The following ELAPOR1 variants were observed in gnomAD, a reference collection of about 807,000 sequenced individuals.
ELAPOR1 encodes the protein endosome-lysosome associated apoptosis and autophagy regulator 1.
ELAPOR1 carries 77 observed loss-of-function variants against 119.7 expected under a neutral mutation model. The observed-to-expected ratio is 0.64, with a 90% CI of 0.54 to 0.78. ELAPOR1 has a LOEUF of 0.78. Among genes scored for constraint, ELAPOR1 ranks in the 30% least tolerant of loss-of-function variants. The pLI is 0.00. For synonymous variants in ELAPOR1, 481 were observed against 487.2 expected, an observed-to-expected ratio of 0.99 and a Z score of 0.17; for missense variants, 1,115 against 1,270.4, an observed-to-expected ratio of 0.88 and a Z score of 1.86.
At position 109,203,272 on chromosome 1, in the gene ELAPOR1, G is replaced by T. The variant is rs547871188; in HGVS notation, c.*260G>T. 5.5e-5 allele frequency: 26 copies of T among 471,042 alleles called. No homozygotes were observed. The Admixed American group carries it at 7.2e-4, about 13-fold the overall frequency. 29.2% of individuals were successfully genotyped at this position (471,042 alleles called of 1,614,324 possible). On this transcript the variant is annotated 3_prime_UTR_variant, in exon 22 of 22. Coordinates refer to ENST00000369939, the MANE Select transcript of ELAPOR1 (RefSeq NM_020775.5). ...TCTTGTTTCCCAAAATGGCCCATCC[G>T]CCAGAGCCATAGCTTCGTCTGCTCA...
intron 17 of ELAPOR1, among the ~76,000 whole-genome samples, chr1:109,198,333 G>T (rs557671100): frequency 1.3e-5 from 2 of 152,178 alleles, no homozygotes; most frequent in African/African-American, 2.4e-5. Flanking sequence ...GCCTAAGCAG[G>T]CTCCAGTGTA....
intron 16 of ELAPOR1, 42 bp from the exon 17 acceptor site, chr1:109,197,936 TA>T: frequency 6.6e-7 from 1 of 1,517,936 alleles, no homozygotes; most frequent in Non-Finnish European, 9.2e-7. Flanking sequence ...GGTTGCCAGC[TA>T]ATGCTACTAG....
At chr1:109,142,323 A>C (rs554391971) in intron 1 of ELAPOR1, among the ~76,000 whole-genome samples, 2 of 152,378 alleles carry the variant, frequency 1.3e-5, no homozygotes, top group South Asian at 4.1e-4. Context: ...CAAGTCAAAG[A>C]AAGCTATGAA....
chr1:109,119,332 G>A (rs1648242565), intron 1 of ELAPOR1, among the ~76,000 whole-genome samples: 2 of 151,014 alleles, frequency 1.3e-5, no homozygotes, highest in Admixed American at 6.6e-5. Flanking sequence ...TTACAGGTGT[G>A]CACCACCATG....
chr1:109,120,075 A>G (rs111945677), intron 1 of ELAPOR1, among the ~76,000 whole-genome samples: 3,242 of 152,204 alleles, frequency 0.021, 42 homozygotes, highest in Non-Finnish European at 0.033. Context: ...GGAGGTGATT[A>G]TATCCTATGG....
chr1:109,197,593 G>A lies in ELAPOR1; in HGVS notation c.2241G>A (p.Glu747=). The part of the protein sequence containing the change: ...YVCQAVIIPP[E]VTGYKAGVSS... The stretch of plus-strand genomic sequence containing the variant: ...GCCAGGCAGTCATCATCCCCCCAGA[G>A]GTGACAGGCTACAAGGCCGGGGTTT... The change falls in exon 16 of 22, where the codon GAG becomes GAA. Residue 747 remains glutamate (E), a synonymous_variant. Transcript: ENST00000369939. 6.2e-7 allele frequency: 1 copy of A among 1,614,254 alleles called. No individual in the cohort carries two copies. Among genetic ancestry groups the A allele is most frequent in the Non-Finnish European group, 8.5e-7 (1 of 1,180,052 alleles).
intron 1 of ELAPOR1, among the ~76,000 whole-genome samples, chr1:109,158,029 A>T (rs903582741): frequency 1.3e-5 from 2 of 152,198 alleles, no homozygotes; most frequent in African/African-American, 4.8e-5. Flanking sequence ...CTGGAACTAC[A>T]GGCACATGCC....
At chr1:109,124,226 T>C (rs1648631633) in intron 1 of ELAPOR1, among the ~76,000 whole-genome samples, 1 of 151,858 alleles carries the variant, frequency 6.6e-6, no homozygotes, top group Non-Finnish European at 1.5e-5. Context: ...TACATCATCA[T>C]TTTTCTCTTT....
Position 109,172,007 on chromosome 1 carries a change from G to A in ELAPOR1, c.609G>A (p.Glu203=). The change falls in exon 4 of 22, where the codon GAG becomes GAA. Residue 203 remains glutamate (E), a synonymous_variant. Coordinates refer to ENST00000369939, the MANE Select transcript of ELAPOR1 (RefSeq NM_020775.5). ...ATCCAGACTCCAGCATCATCTTTGA[G>A]TTTTTCGTAAGCCCCTGGCCAAGGT... is the stretch of plus-strand genomic sequence containing the variant. The part of the protein sequence containing the change: ...YYYPDSSIIF[E]FFVQNDQCQP... The A allele has an allele frequency of 6.2e-7, 1 of 1,614,218 alleles. No homozygotes were observed. Among genetic ancestry groups the A allele is most frequent in the Non-Finnish European group, 8.5e-7 (1 of 1,180,028 alleles).
intron 2 of ELAPOR1, 132 bp downstream of exon 2, chr1:109,162,146 TC>T: frequency 1.1e-6 from 1 of 941,584 alleles, no homozygotes; most frequent in Non-Finnish European, 1.6e-6. Context: ...CCCCAATTAG[TC>T]CCCACATCCC....
chr1:109,131,879 T>C (rs1369309874), intron 1 of ELAPOR1, among the ~76,000 whole-genome samples: 1 of 151,914 alleles, frequency 6.6e-6, no homozygotes, highest in Non-Finnish European at 1.5e-5. Context: ...GTAGGACTTG[T>C]AGGTGGGAAT....
In ELAPOR1 at chr1:109,145,342, G is replaced by T. The variant is rs971925694; in HGVS notation, c.154-16552G>T. On this transcript the variant is annotated intron_variant, in intron 1 of 21. Transcript: ENST00000369939. ...TTAGGTAATTAATTGTAGTAGCACA[G>T]ACAGACTAAGACAATATTCATTGAA... Among the ~76,000 whole-genome samples, 16 of 152,218 alleles carry T rather than the reference G, an allele frequency of 1.1e-4. 1 individual carries two copies. Among genetic ancestry groups the T allele is most frequent in the African/African-American group, 3.9e-4 (16 of 41,546 alleles).
At position 109,164,650 on chromosome 1, in the gene ELAPOR1, G is replaced by A. The variant is rs990531433; in HGVS notation, c.426G>A (p.Glu142=). The A allele has an allele frequency of 6.2e-7, 1 of 1,614,254 alleles. No homozygotes were observed. Among genetic ancestry groups the A allele is most frequent in the Admixed American group, 1.7e-5 (1 of 60,028 alleles). The change falls in exon 3 of 22, where the codon GAG becomes GAA. Residue 142 remains glutamate, a synonymous_variant. Coordinates refer to ENST00000369939, the MANE Select transcript of ELAPOR1 (RefSeq NM_020775.5). ...TTGCCAGCCTCTCAGCCAACATGGA[G>A]CTGGATGACAGTGCTGCTGAGTCCA... is the stretch of plus-strand genomic sequence containing the variant. The part of the protein sequence containing the change: ...HGFASLSANM[E]LDDSAAESTG...
intron 3 of ELAPOR1, among the ~76,000 whole-genome samples, chr1:109,171,082 C>A (rs1651890421): frequency 6.6e-6 from 1 of 152,160 alleles, no homozygotes; most frequent in Non-Finnish European, 1.5e-5. Flanking sequence ...GTTTGGCAGA[C>A]CTGATTTCAG....
At chr1:109,126,620 G>A (rs185408747) in intron 1 of ELAPOR1, among the ~76,000 whole-genome samples, 3 of 152,198 alleles carry the variant, frequency 2.0e-5, no homozygotes, top group African/African-American at 4.8e-5. Context: ...ACAGGCACGC[G>A]CCACCATGCC....
intron 8 of ELAPOR1, chr1:109,187,113 C>T (rs1359072563): frequency 2.0e-6 from 2 of 985,386 alleles, no homozygotes; most frequent in African/African-American, 3.5e-5. Flanking sequence ...AAGGGACACA[C>T]CTCGAGCTGG....
In ELAPOR1 at chr1:109,164,556, G is replaced by T. The variant is rs752982373; in HGVS notation, c.332G>T (p.Cys111Phe). 2 of 1,614,184 alleles carry T rather than the reference G, an allele frequency of 1.2e-6. No individual in the cohort carries two copies. Among genetic ancestry groups the T allele is most frequent in the Non-Finnish European group, 1.7e-6 (2 of 1,180,002 alleles). Residue 111 changes from cysteine to phenylalanine, a missense_variant, in exon 3 of 22, where the codon TGC becomes TTC. Cys to Phe is a radical substitution (Grantham distance 205). Transcript: ENST00000369939. ...LDMKDQSCKP[C>F]AEGRYSLGTG... is the part of the protein sequence containing the mutation. The stretch of plus-strand genomic sequence containing the variant: ...ATGAAGGACCAGTCATGTAAGCCAT[G>T]CGCTGAGGGCCGCTACTCCCTCGGC...
intron 7 of ELAPOR1, among the ~76,000 whole-genome samples, chr1:109,177,502 G>T (rs1162249266): frequency 1.4e-4 from 15 of 109,956 alleles, no homozygotes; most frequent in East Asian, 2.9e-4. Flanking sequence ...ATGGGATGGC[G>T]GCCGGGAAGA....
chr1:109,167,233 A>G (rs1651656906), intron 3 of ELAPOR1, among the ~76,000 whole-genome samples: 1 of 152,156 alleles, frequency 6.6e-6, no homozygotes, highest in Non-Finnish European at 1.5e-5. Context: ...TGGGGACTGC[A>G]CCGAGAGTCC....
Sources: gnomAD v4.1 joint callset for allele counts (sites outside exome capture counted in the v4.1 genomes callset) on GRCh38, gnomAD v4.1.1 for gene constraint, MANE v1.5 for transcripts, NCBI Gene and HGNC (gene_info 2026-07-23, HGNC 2026-07-21) for gene names.